Variants in TBC1D12 observed in about 807,000 individuals in gnomAD.
TBC1D12 encodes the protein TBC1 domain family member 12.
TBC1D12 carries 56 observed loss-of-function variants against 86.7 expected under a neutral mutation model. The ratio of observed to expected loss-of-function variants is 0.65; its 90% confidence interval spans 0.52 to 0.81. TBC1D12 has a LOEUF of 0.81. TBC1D12 is among the 30% of genes least tolerant of loss of function. The pLI is 0.00. For synonymous variants in TBC1D12, 421 were observed against 411.7 expected, an observed-to-expected ratio of 1.02 and a Z score of -0.27; for missense variants, 1,023 against 1,038.8, an observed-to-expected ratio of 0.98 and a Z score of 0.21.
intron 1 of TBC1D12, among the ~76,000 whole-genome samples, chr10:94,419,634 A>T (rs1197538159): frequency 1.3e-5 from 2 of 152,106 alleles, no homozygotes. Context: ...GCGCCACTGC[A>T]CTCTAGCCTG....
intron 2 of TBC1D12, among the ~76,000 whole-genome samples, chr10:94,465,926 G>T (rs886985145): frequency 6.7e-6 from 1 of 148,994 alleles, no homozygotes; most frequent in African/African-American, 2.5e-5. Flanking sequence ...ACGTATATAT[G>T]CGTATATATG....
chr10:94,521,895 A>C lies in TBC1D12; in HGVS notation c.1762-60A>C, dbSNP rs73329611. Reference sequence around the variant, plus strand: ...TGTAATTTTTCAGGAGTACAATAAAATAAACTATATAGATTTATTATTGTA... The same window carrying C: ...TGTAATTTTTCAGGAGTACAATAAACTAAACTATATAGATTTATTATTGTA... On this transcript the variant is annotated intron_variant, in intron 9 of 12. Coordinates refer to ENST00000225235, the MANE Select transcript of TBC1D12 (RefSeq NM_015188.2). 6,696 of 1,402,198 alleles carry C rather than the reference A, an allele frequency of 4.8e-3. 205 individuals are homozygous for C. In the African/African-American group the frequency reaches 0.074, roughly 15 times the overall value. 86.9% of individuals were successfully genotyped at this position (1,402,198 alleles called of 1,614,324 possible).
In TBC1D12 at chr10:94,403,503, C is replaced by T. The variant is rs547435356; in HGVS notation, c.890C>T (p.Pro297Leu). The T allele has an allele frequency of 1.2e-5, 18 of 1,554,232 alleles. No homozygotes were observed. Among genetic ancestry groups the T allele is most frequent in the Admixed American group, 1.1e-4 (6 of 52,234 alleles). Reference protein sequence around the residue: ...DHLPPAGPPVPLPAAEQGPAG... With the variant: ...DHLPPAGPPVLLPAAEQGPAG... The stretch of plus-strand genomic sequence containing the variant: ...CTGCCCCCGGCGGGGCCGCCGGTGC[C>T]CTTGCCCGCCGCGGAGCAGGGTCCT... Residue 297 changes from proline to leucine, a missense_variant, in exon 1 of 13, where the codon CCC becomes CTC. Pro to Leu is a moderately conservative substitution (Grantham distance 98). Coordinates refer to ENST00000225235, the MANE Select transcript of TBC1D12 (RefSeq NM_015188.2).
At chr10:94,508,961 A>G (rs1376516565) in intron 7 of TBC1D12, 3 of 152,162 alleles carry the variant, frequency 2.0e-5, no homozygotes, top group African/African-American at 7.2e-5. Flanking sequence ...TTTCCCCTGC[A>G]GAGTAAGCTG....
chr10:94,521,788 C>G (rs565030522), intron 9 of TBC1D12, among the ~76,000 whole-genome samples, 167 bp from the exon 10 acceptor site: 1 of 152,030 alleles, frequency 6.6e-6, no homozygotes, highest in Non-Finnish European at 1.5e-5. Flanking sequence ...AGGGAGATTT[C>G]GTAATCATTA....
At chr10:94,474,272 T>C (rs1297017391) in intron 2 of TBC1D12, among the ~76,000 whole-genome samples, 1 of 152,160 alleles carries the variant, frequency 6.6e-6, no homozygotes, top group East Asian at 1.9e-4. Flanking sequence ...CTTCTGTCTT[T>C]CCTTCTCTTA....
chr10:94,533,006 C>G (rs1419886334), intron 12 of TBC1D12, 22 bp from the exon 13 acceptor site: 12 of 1,391,678 alleles, frequency 8.6e-6, no homozygotes, highest in South Asian at 1.3e-5. Context: ...GAGGATTAAT[C>G]TTTATTTTAT....
intron 1 of TBC1D12, among the ~76,000 whole-genome samples, chr10:94,411,697 C>T (rs1463834364): frequency 6.6e-6 from 1 of 151,970 alleles, no homozygotes; most frequent in Non-Finnish European, 1.5e-5. Flanking sequence ...TGGTTGGGCC[C>T]AGTGGCTCAT....
At chr10:94,526,492 A>G (rs566833473) in intron 11 of TBC1D12, among the ~76,000 whole-genome samples, 35 of 152,116 alleles carry the variant, frequency 2.3e-4, no homozygotes, top group Non-Finnish European at 4.4e-4. Flanking sequence ...TCTGCATATG[A>G]ATGAGAACAT....
chr10:94,500,803 C>A (rs560910045), intron 6 of TBC1D12, among the ~76,000 whole-genome samples: 1 of 151,974 alleles, frequency 6.6e-6, no homozygotes, highest in African/African-American at 2.4e-5. Flanking sequence ...TGCCTGTAAT[C>A]CCAGCACTTT....
intron 5 of TBC1D12, among the ~76,000 whole-genome samples, chr10:94,497,979 T>C (rs7898330): frequency 0.45 from 67,972 of 151,720 alleles, 15,484 homozygotes; most frequent in East Asian, 0.73. Flanking sequence ...CTCGCCACCA[T>C]GCCCTGCTAA....
At position 94,458,785 on chromosome 10, in the gene TBC1D12, G is replaced by A. The variant is rs117027690; in HGVS notation, c.1096-15883G>A. 7.9e-3 allele frequency among the ~76,000 whole-genome samples: 1,203 copies of A among 152,146 alleles called. 7 individuals carry two copies. Among genetic ancestry groups the A allele is most frequent in the Non-Finnish European group, 0.012 (819 of 67,998 alleles). Reference sequence around the variant, plus strand: ...TGGAGTTGTTCGTTCCTTCCATCTGGAGTTGTTCGTACCTTCCATCTGGAG... The same window carrying A: ...TGGAGTTGTTCGTTCCTTCCATCTGAAGTTGTTCGTACCTTCCATCTGGAG... On this transcript the variant is annotated intron_variant, in intron 2 of 12. Transcript: ENST00000225235.
chr10:94,527,127 C>G (rs148035270), intron 11 of TBC1D12, among the ~76,000 whole-genome samples: 1 of 147,550 alleles, frequency 6.8e-6, no homozygotes, highest in African/African-American at 2.7e-5. Context: ...TCTCTGCACT[C>G]TGTTGCCCAG....
At position 94,402,927 on chromosome 10, in the gene TBC1D12, G is replaced by A. The variant is rs1271244894; in HGVS notation, c.314G>A (p.Arg105Gln). ...GCCCCGCCGCCCTCGGCAGCCCCAC[G>A]ATCGGACGCCTGCCTGCTGGGCTCG... ...AGAPPPSAAP[R>Q]SDACLLGSGS... Residue 105 changes from arginine to glutamine, a missense_variant, in exon 1 of 13, where the codon CGA becomes CAA. Coordinates refer to ENST00000225235, the MANE Select transcript of TBC1D12 (RefSeq NM_015188.2). 15 of 1,534,296 alleles carry A rather than the reference G, an allele frequency of 9.8e-6. No homozygotes were observed. Among genetic ancestry groups the A allele is most frequent in the Non-Finnish European group, 1.3e-5 (15 of 1,145,426 alleles).
intron 6 of TBC1D12, among the ~76,000 whole-genome samples, chr10:94,505,213 A>T (rs1277594056): frequency 1.3e-5 from 2 of 152,190 alleles, no homozygotes; most frequent in Non-Finnish European, 2.9e-5. Flanking sequence ...ATAACCCCCA[A>T]ATAATTATAT....
chr10:94,451,940 T>C (rs1446665377), intron 2 of TBC1D12, among the ~76,000 whole-genome samples: 1 of 152,012 alleles, frequency 6.6e-6, no homozygotes, highest in Non-Finnish European at 1.5e-5. Context: ...TATTAAGTTG[T>C]ATAAGTTAGT....
intron 2 of TBC1D12, among the ~76,000 whole-genome samples, chr10:94,467,221 GT>G (rs1039551206): frequency 1.3e-5 from 2 of 151,198 alleles, no homozygotes; most frequent in African/African-American, 4.9e-5. Context: ...GTGTAGTCGA[GT>G]TTTTTTTTGT....
At chr10:94,414,909 T>C (rs1381638787) in intron 1 of TBC1D12, among the ~76,000 whole-genome samples, 1 of 152,206 alleles carries the variant, frequency 6.6e-6, no homozygotes, top group Non-Finnish European at 1.5e-5. Flanking sequence ...TAACAGGTTG[T>C]ACATATAAAG....
chr10:94,403,951 A>G (rs983797078), intron 1 of TBC1D12, among the ~76,000 whole-genome samples: 1 of 152,062 alleles, frequency 6.6e-6, no homozygotes, highest in Admixed American at 6.5e-5. Context: ...TCCGTCTCCA[A>G]TTTTTAAAAA....
Sources: gnomAD v4.1 joint callset for allele counts (sites outside exome capture counted in the v4.1 genomes callset) on GRCh38, gnomAD v4.1.1 for gene constraint, MANE v1.5 for transcripts, NCBI Gene and HGNC (gene_info 2026-07-23, HGNC 2026-07-21) for gene names.